Variants in ADGRB3 observed in about 807,000 individuals in gnomAD.
ADGRB3 encodes the protein adhesion G protein-coupled receptor B3.
ADGRB3 carries 37 observed loss-of-function variants against 193.4 expected under a neutral mutation model. That is an observed-to-expected ratio of 0.19 (90% CI 0.15 to 0.25). ADGRB3 has a LOEUF of 0.25. Ranked by LOEUF, ADGRB3 falls within the 10% of genes least tolerant of loss-of-function variation. The pLI is 1.00. For synonymous variants in ADGRB3, 690 were observed against 644.2 expected, an observed-to-expected ratio of 1.07 and a Z score of -1.08; for missense variants, 1,637 against 1,852.9, an observed-to-expected ratio of 0.88 and a Z score of 2.14.
intron 17 of ADGRB3, among the ~76,000 whole-genome samples, chr6:69,150,093 T>G (rs2150341003): frequency 6.6e-6 from 1 of 152,180 alleles, no homozygotes. Context: ...AAATGCTCAC[T>G]GTAACCACTA....
intron 13 of ADGRB3, among the ~76,000 whole-genome samples, chr6:69,020,785 A>C (rs1770239972): frequency 6.6e-6 from 1 of 152,044 alleles, no homozygotes; most frequent in African/African-American, 2.4e-5. Context: ...TCAGGGACTG[A>C]CTGACACTGT....
intron 20 of ADGRB3, among the ~76,000 whole-genome samples, chr6:69,313,376 G>A (rs1049281282): frequency 6.6e-6 from 1 of 151,784 alleles, no homozygotes; most frequent in African/African-American, 2.4e-5. Context: ...CATTGAAATA[G>A]TTCTGTTATA....
At chr6:68,653,350 G>T (rs991618617) in intron 3 of ADGRB3, among the ~76,000 whole-genome samples, 1 of 152,114 alleles carries the variant, frequency 6.6e-6, no homozygotes, top group Non-Finnish European at 1.5e-5. Flanking sequence ...ATAATGTCCA[G>T]TTGAGGTGGA....
intron 17 of ADGRB3, among the ~76,000 whole-genome samples, chr6:69,112,206 C>CT (rs1773386239): frequency 6.6e-6 from 1 of 152,104 alleles, no homozygotes; most frequent in African/African-American, 2.4e-5. Context: ...GCTGGTAGTG[C>CT]TACTTTGTCA....
At chr6:68,906,692 A>C (rs1296861225) in intron 3 of ADGRB3, among the ~76,000 whole-genome samples, 1 of 151,918 alleles carries the variant, frequency 6.6e-6, no homozygotes, top group South Asian at 2.1e-4. Context: ...AATTATTGCT[A>C]TTGCAGTTTA....
intron 17 of ADGRB3, among the ~76,000 whole-genome samples, chr6:69,180,063 T>C (rs916206741): frequency 1.3e-5 from 2 of 152,172 alleles, no homozygotes; most frequent in Non-Finnish European, 2.9e-5. Flanking sequence ...ATCCAGTGGA[T>C]GGCTATTAAG....
At chr6:68,743,221 T>C (rs1225725814) in intron 3 of ADGRB3, among the ~76,000 whole-genome samples, 1 of 152,120 alleles carries the variant, frequency 6.6e-6, no homozygotes, top group Non-Finnish European at 1.5e-5. Flanking sequence ...TCATCTTTTC[T>C]CTCATGTTTT....
intron 3 of ADGRB3, among the ~76,000 whole-genome samples, chr6:68,815,086 G>T (rs1767602850): frequency 6.6e-6 from 1 of 152,146 alleles, no homozygotes; most frequent in African/African-American, 2.4e-5. Flanking sequence ...ACAAGACAGG[G>T]ATGCCCTCTC....
intron 3 of ADGRB3, among the ~76,000 whole-genome samples, chr6:68,796,690 A>C (rs1257909674): frequency 1.3e-5 from 2 of 152,130 alleles, no homozygotes; most frequent in African/African-American, 4.8e-5. Context: ...TTTGCTTCTA[A>C]AACTTCTGGT....
intron 29 of ADGRB3, among the ~76,000 whole-genome samples, chr6:69,368,666 G>T (rs1453019597): frequency 6.6e-6 from 1 of 152,046 alleles, no homozygotes; most frequent in African/African-American, 2.4e-5. Context: ...AGCCAACAAA[G>T]GGGACTTCAG....
At chr6:69,246,650 A>T (rs1011126812) in intron 20 of ADGRB3, among the ~76,000 whole-genome samples, 2 of 152,216 alleles carry the variant, frequency 1.3e-5, no homozygotes, top group African/African-American at 4.8e-5. Context: ...TATTGTAAAT[A>T]GGGCAAAGAT....
At chr6:69,338,860 T>C (rs1451761894) in intron 24 of ADGRB3, 56 bp from the exon 25 acceptor site, 1 of 1,509,852 alleles carries the variant, frequency 6.6e-7, no homozygotes, top group African/African-American at 1.4e-5. Flanking sequence ...CAGCAATTTT[T>C]TTTTGGTGAC....
chr6:69,081,847 A>T (rs1020701657), intron 17 of ADGRB3, among the ~76,000 whole-genome samples: 1 of 152,072 alleles, frequency 6.6e-6, no homozygotes, highest in African/African-American at 2.4e-5. Context: ...TTAGCAACCC[A>T]TTATGTCCAT....
intron 3 of ADGRB3, among the ~76,000 whole-genome samples, chr6:68,845,919 C>T (rs891399742): frequency 3.9e-5 from 6 of 152,156 alleles, no homozygotes; most frequent in African/African-American, 1.4e-4. Flanking sequence ...GGAATGATTT[C>T]GAGGGCTCAG....
In ADGRB3 at chr6:68,730,473, C is replaced by T. The variant is rs1326619870; in HGVS notation, c.757+91041C>T. Among the ~76,000 whole-genome samples, 5 of 151,562 alleles carry T rather than the reference C, an allele frequency of 3.3e-5. No homozygotes were observed. The East Asian group carries it at 9.7e-4, about 29-fold the overall frequency. ...CATCTAATAAAGTTGATGACTCAGG[C>T]ACTGTGGAGCCAGAAGAAAGAATGA... On this transcript the variant is annotated intron_variant, in intron 3 of 31. Transcript: ENST00000370598.
intron 3 of ADGRB3, among the ~76,000 whole-genome samples, chr6:68,870,683 T>G (rs1353201206): frequency 6.6e-6 from 1 of 152,214 alleles, no homozygotes; most frequent in Non-Finnish European, 1.5e-5. Flanking sequence ...AAATCCCAGC[T>G]TAGCCACTTG....
chr6:69,158,506 C>G (rs1774905775), intron 17 of ADGRB3, among the ~76,000 whole-genome samples: 1 of 151,040 alleles, frequency 6.6e-6, no homozygotes, highest in African/African-American at 2.4e-5. Context: ...ATGTATTACT[C>G]TAATTGAAAG....
intron 20 of ADGRB3, among the ~76,000 whole-genome samples, chr6:69,257,327 T>C (rs1462390897): frequency 6.6e-6 from 1 of 152,228 alleles, no homozygotes; most frequent in African/African-American, 2.4e-5. Context: ...TGAATCCATC[T>C]GGTCCTGGAC....
In ADGRB3 at chr6:68,861,419, G is replaced by A. The variant is rs62416369; in HGVS notation, c.758-69140G>A. ...TACTAAAAATACAAAAAAATTAGCCGGGCGTGGTGGCGGGCACCTGTAGTC... is the reference window on the plus strand; with the variant it reads ...TACTAAAAATACAAAAAAATTAGCCAGGCGTGGTGGCGGGCACCTGTAGTC... On this transcript the variant is annotated intron_variant, in intron 3 of 31. Transcript: ENST00000370598. 3.0e-3 allele frequency among the ~76,000 whole-genome samples: 458 copies of A among 152,092 alleles called. 1 individual carries two copies. Among genetic ancestry groups the A allele is most frequent in the Non-Finnish European group, 5.6e-3 (383 of 67,980 alleles).
Sources: allele counts gnomAD v4.1 joint callset (sites outside exome capture counted in the v4.1 genomes callset), GRCh38; gene constraint gnomAD v4.1.1; transcripts MANE v1.5; gene names NCBI Gene and HGNC (gene_info 2026-07-23, HGNC 2026-07-21).